The following ELMO1 variants were observed in gnomAD, a reference collection of about 807,000 sequenced individuals.
The protein encoded by ELMO1 is engulfment and cell motility 1, also known as engulfment and cell motility protein 1.
ELMO1 carries 26 observed loss-of-function variants against 98.9 expected under a neutral mutation model. That is an observed-to-expected ratio of 0.26 (90% CI 0.19 to 0.36). The LOEUF is 0.36. Ranked by LOEUF, ELMO1 falls within the 10% of genes least tolerant of loss-of-function variation. The probability of loss-of-function intolerance (pLI) is 1.00; values close to 1 mark genes in which losing one functional copy is unlikely to be tolerated. For missense variants in ELMO1, 627 were observed against 935.2 expected, an observed-to-expected ratio of 0.67 and a Z score of 4.30; for synonymous variants, 346 against 346.0, an observed-to-expected ratio of 1.00 and a Z score of 0.00.
chr7:37,271,982 T>C, intron 4 of ELMO1, 100 bp from the exon 5 acceptor site: 1 of 967,992 alleles, frequency 1.0e-6, no homozygotes, highest in Non-Finnish European at 1.6e-6. Context: ...AGGCATTCAG[T>C]TTATTCTCAC....
At chr7:37,013,609 G>T in intron 15 of ELMO1, 174 bp from the exon 16 acceptor site, 1 of 678,986 alleles carries the variant, frequency 1.5e-6, no homozygotes, top group Non-Finnish European at 2.4e-6. Context: ...CATACAACTC[G>T]GAAGTTTAAG....
chr7:36,976,107 G>A (rs957042547), intron 16 of ELMO1, among the ~76,000 whole-genome samples: 1 of 152,154 alleles, frequency 6.6e-6, no homozygotes, highest in African/African-American at 2.4e-5. Context: ...TATGAAGGAA[G>A]CCACAGACAC....
chr7:36,998,604 T>TA (rs953434468), intron 16 of ELMO1, among the ~76,000 whole-genome samples: 23 of 152,150 alleles, frequency 1.5e-4, no homozygotes, highest in African/African-American at 5.3e-4. Context: ...AAAGTCACAG[T>TA]AAAAAAAATT....
chr7:37,257,937 C>T (rs1795768399), intron 6 of ELMO1, among the ~76,000 whole-genome samples: 1 of 151,478 alleles, frequency 6.6e-6, no homozygotes, highest in Non-Finnish European at 1.5e-5. Flanking sequence ...AGTTCGAGAC[C>T]AGCCTGGCCA....
At chr7:36,866,382 A>AT (rs1202524035) in intron 20 of ELMO1, among the ~76,000 whole-genome samples, 9 of 152,178 alleles carry the variant, frequency 5.9e-5, no homozygotes, top group Non-Finnish European at 1.3e-4. Flanking sequence ...TCTGTTAAAC[A>AT]TAACAGACTC....
intron 2 of ELMO1, among the ~76,000 whole-genome samples, chr7:37,326,681 T>C (rs1583556288): frequency 6.6e-6 from 1 of 152,092 alleles, no homozygotes; most frequent in East Asian, 1.9e-4. Context: ...ATGAAACAAA[T>C]TAGGTATTAG....
rs566339465 is a variant in ELMO1 at position 37,135,487 on chromosome 7, C to T, written c.1087-2253G>A. On this transcript the variant is annotated intron_variant, in intron 13 of 21. Transcript: ENST00000310758. ...GCACAGAGTCCACTTCACTCCCCTG[C>T]TAACTCCACTGAAGCAGGTGCAGGT... 9.3e-4 allele frequency among the ~76,000 whole-genome samples: 142 copies of T among 152,324 alleles called. 1 individual carries two copies. Among genetic ancestry groups the T allele is most frequent in the African/African-American group, 3.2e-3 (134 of 41,564 alleles).
At chr7:37,237,268 A>C (rs2130657643) in intron 7 of ELMO1, among the ~76,000 whole-genome samples, 1 of 152,296 alleles carries the variant, frequency 6.6e-6, no homozygotes, top group East Asian at 1.9e-4. Flanking sequence ...TGGAGTGGCA[A>C]GCCCGTTAAT....
At chr7:37,413,895 C>G (rs1320329179) in intron 1 of ELMO1, among the ~76,000 whole-genome samples, 1 of 152,064 alleles carries the variant, frequency 6.6e-6, no homozygotes, top group African/African-American at 2.4e-5. Flanking sequence ...CTATTCTGGT[C>G]TGGAACTCCT....
At chr7:37,399,055 G>A (rs117364509) in intron 1 of ELMO1, among the ~76,000 whole-genome samples, 1,670 of 152,236 alleles carry the variant, frequency 0.011, 30 homozygotes, top group East Asian at 0.046. Flanking sequence ...GGTGAACGGC[G>A]ATCCTCACTC....
chr7:37,201,957 G>A (rs527697329), intron 13 of ELMO1, among the ~76,000 whole-genome samples: 1 of 152,334 alleles, frequency 6.6e-6, no homozygotes, highest in Admixed American at 6.5e-5. Context: ...ATCTCTGTGA[G>A]TTCATGCAGC....
chr7:37,430,700 C>T (rs1488520682), intron 1 of ELMO1, among the ~76,000 whole-genome samples: 1 of 152,254 alleles, frequency 6.6e-6, no homozygotes, highest in African/African-American at 2.4e-5. Flanking sequence ...CTCATACATA[C>T]TCTCACATCT....
intron 15 of ELMO1, among the ~76,000 whole-genome samples, chr7:37,020,096 T>C (rs949625697): frequency 6.6e-5 from 10 of 152,164 alleles, no homozygotes; most frequent in African/African-American, 2.4e-4. Context: ...AAAATGAGCG[T>C]AGGGAATGGG....
intron 16 of ELMO1, among the ~76,000 whole-genome samples, chr7:36,998,526 TATAA>T (rs756945679): frequency 6.6e-6 from 1 of 152,174 alleles, no homozygotes; most frequent in Non-Finnish European, 1.5e-5. Context: ...TGTATACATA[TATAA>T]ATATATATAT....
intron 1 of ELMO1, among the ~76,000 whole-genome samples, chr7:37,362,404 G>T (rs1373454786): frequency 1.3e-5 from 2 of 152,130 alleles, no homozygotes; most frequent in African/African-American, 4.8e-5. Context: ...CATCTGGCAT[G>T]GGTAAGCCTG....
At chr7:37,026,810 T>C (rs757386234) in intron 15 of ELMO1, among the ~76,000 whole-genome samples, 4 of 152,154 alleles carry the variant, frequency 2.6e-5, no homozygotes, top group African/African-American at 4.8e-5. Flanking sequence ...CTCCTTCTAT[T>C]TGGATTCCCA....
intron 16 of ELMO1, among the ~76,000 whole-genome samples, chr7:36,999,343 T>C (rs1739071177): frequency 6.6e-6 from 1 of 152,206 alleles, no homozygotes; most frequent in African/African-American, 2.4e-5. Context: ...TGGTCCAATA[T>C]TGGCCATTTC....
chr7:37,369,113 T>A (rs547273734), intron 1 of ELMO1, among the ~76,000 whole-genome samples: 5 of 152,316 alleles, frequency 3.3e-5, no homozygotes, highest in Admixed American at 2.6e-4. Context: ...GAGCCCAATA[T>A]TATAAAGATG....
At chr7:37,082,401 A>C (rs981740498) in intron 15 of ELMO1, among the ~76,000 whole-genome samples, 1 of 152,012 alleles carries the variant, frequency 6.6e-6, no homozygotes, top group Non-Finnish European at 1.5e-5. Flanking sequence ...AAACATGCAG[A>C]ATGAGAAAAG....
Sources: allele counts gnomAD v4.1 joint callset (sites outside exome capture counted in the v4.1 genomes callset), GRCh38; gene constraint gnomAD v4.1.1; transcripts MANE v1.5; gene names NCBI Gene and HGNC (gene_info 2026-07-23, HGNC 2026-07-21).